The following EPB41L2 variants were observed in gnomAD, a reference collection of about 807,000 sequenced individuals.
EPB41L2 encodes the protein band 4.1-like protein 2.
In EPB41L2, 43 loss-of-function variants were observed where a neutral mutation model predicts 113.0. The ratio of observed to expected loss-of-function variants is 0.38; its 90% CI spans 0.30 to 0.49. The LOEUF is 0.49. Among genes scored for constraint, EPB41L2 ranks in the 20% least tolerant of loss-of-function variants. The pLI is 0.95. For missense variants in EPB41L2, 1,147 were observed against 1,223.4 expected, an observed-to-expected ratio of 0.94 and a Z score of 0.93; for synonymous variants, 442 against 436.7, an observed-to-expected ratio of 1.01 and a Z score of -0.15.
At chr6:130,915,797 G>T (rs190673930) in intron 4 of EPB41L2, among the ~76,000 whole-genome samples, 1 of 151,672 alleles carries the variant, frequency 6.6e-6, no homozygotes, top group African/African-American at 2.4e-5. Context: ...TTTTAAAAAC[G>T]GGAGTTTCTC....
At chr6:130,878,303 A>G in intron 13 of EPB41L2, 53 bp from the exon 14 acceptor site, 1 of 1,547,488 alleles carries the variant, frequency 6.5e-7, no homozygotes, top group Non-Finnish European at 8.7e-7. Flanking sequence ...GAAAAAACCC[A>G]GTAGGACAAA....
At chr6:130,881,887 T>C (rs1279675653) in intron 12 of EPB41L2, 1 of 151,996 alleles carries the variant, frequency 6.6e-6, no homozygotes, top group Non-Finnish European at 1.5e-5. Context: ...AATTTAAGGT[T>C]AGAAAAAAAA....
chr6:130,967,710 C>G lies in EPB41L2; in HGVS notation c.-14-11211G>C, dbSNP rs375807682. On this transcript the variant is annotated intron_variant, in intron 1 of 19. Coordinates refer to ENST00000337057, the MANE Select transcript of EPB41L2 (RefSeq NM_001431.4). ...GAAAGCACAAGCTTGTCATCAGTTTCCTGTCCACACCTCTTCCCTGCCCAT... is the reference window on the plus strand; with the variant it reads ...GAAAGCACAAGCTTGTCATCAGTTTGCTGTCCACACCTCTTCCCTGCCCAT... Among the ~76,000 whole-genome samples, 12 of 152,332 alleles carry G rather than the reference C, an allele frequency of 7.9e-5. No individual in the cohort carries two copies. In the East Asian group the frequency reaches 2.1e-3, roughly 27 times the overall value.
rs772411658 is a variant in EPB41L2, at chr6:130,885,131, T to C, written c.1798A>G (p.Thr600Ala). The change falls in exon 12 of 20, where the codon ACT becomes GCT. Residue 600 changes from threonine to alanine, a missense_variant. Transcript: ENST00000337057. The stretch of plus-strand genomic sequence containing the variant: ...ATGAGCTGCAAATGTGGGGCTTTAG[T>C]TGGGCTTCTCACTTCCCTCCTGCCG... ...GDGRREVRSP[T>A]KAPHLQLIEG... 6.2e-7 allele frequency: 1 copy of C among 1,614,140 alleles called. No individual in the cohort carries two copies. The highest frequency in any genetic ancestry group is 1.1e-5 in the South Asian group (1 of 91,082).
At chr6:131,059,190 C>G (rs761421848) in intron 1 of EPB41L2, among the ~76,000 whole-genome samples, 4 of 150,666 alleles carry the variant, frequency 2.7e-5, no homozygotes, top group Non-Finnish European at 4.4e-5. Flanking sequence ...TCTCCGCTCA[C>G]AGCAAGCTCT....
chr6:130,956,526 T>C lies in EPB41L2; in HGVS notation c.-14-27A>G, dbSNP rs763721229. On this transcript the variant is annotated intron_variant, in intron 1 of 19. Transcript: ENST00000337057. ...TGTAATCAAAACAAAAATCATAAAA[T>C]GTCATTTTGTAAGTTCTCTCAAATT... The C allele has an allele frequency of 7.1e-6, 11 of 1,557,974 alleles. No individual in the cohort carries two copies. The Middle Eastern group carries it at 1.6e-3, about 220-fold the overall frequency.
At chr6:131,051,277 T>G (rs1477187032) in intron 1 of EPB41L2, among the ~76,000 whole-genome samples, 1 of 152,124 alleles carries the variant, frequency 6.6e-6, no homozygotes, top group African/African-American at 2.4e-5. Context: ...TTATTATGGC[T>G]GCAGTCCTTA....
intron 1 of EPB41L2, among the ~76,000 whole-genome samples, chr6:130,975,761 C>T (rs1232160456): frequency 1.3e-5 from 2 of 152,150 alleles, no homozygotes; most frequent in African/African-American, 2.4e-5. Flanking sequence ...TGGTAGCTCA[C>T]GCCTGTAATC....
intron 1 of EPB41L2, among the ~76,000 whole-genome samples, chr6:130,998,457 G>A (rs769651185): frequency 3.9e-5 from 6 of 152,134 alleles, no homozygotes; most frequent in Non-Finnish European, 7.4e-5. Context: ...GCTTAAGAAT[G>A]CCTTAGGAAA....
chr6:130,977,209 CAGCTGTATAATACTCTACATATGACTG>C (rs1460763096), intron 1 of EPB41L2, among the ~76,000 whole-genome samples: 4 of 152,172 alleles, frequency 2.6e-5, no homozygotes. Context: ...ATCTTGCTAG[CAGCTGTATAATACTCTACATATGACTG>C]AGCAAAATGG....
chr6:130,971,785 C>G (rs1041432123), intron 1 of EPB41L2, among the ~76,000 whole-genome samples: 1 of 152,148 alleles, frequency 6.6e-6, no homozygotes, highest in African/African-American at 2.4e-5. Context: ...TACTGTACAG[C>G]CTACTCATTT....
intron 15 of EPB41L2, 112 bp from the exon 16 acceptor site, chr6:130,867,693 C>G: frequency 2.2e-6 from 3 of 1,371,742 alleles, no homozygotes; most frequent in Non-Finnish European, 3.1e-6. Context: ...CACTCATGCA[C>G]AAAAGAAAAG....
At chr6:130,877,413 G>C (rs1266795205) in intron 14 of EPB41L2, among the ~76,000 whole-genome samples, 1 of 152,214 alleles carries the variant, frequency 6.6e-6, no homozygotes, top group Non-Finnish European at 1.5e-5. Context: ...AAGAATCCTA[G>C]AGGCACAGAT....
intron 3 of EPB41L2, among the ~76,000 whole-genome samples, chr6:130,937,994 C>G (rs1562532264): frequency 1.3e-5 from 2 of 152,138 alleles, no homozygotes; most frequent in Non-Finnish European, 1.5e-5. Context: ...CTGTTCTTAC[C>G]TCTATTAGCC....
Position 130,839,377 on chromosome 6 carries a change from T to C in EPB41L2, c.*1227A>G, listed in dbSNP as rs1207923820. The C allele has an allele frequency of 1.3e-5, 2 of 152,228 alleles. No homozygotes were observed. Among genetic ancestry groups the C allele is most frequent in the Admixed American group, 6.5e-5 (1 of 15,286 alleles). 9.4% of individuals were successfully genotyped at this position (152,228 alleles called of 1,614,324 possible). ...AGAATAAACAAACTTTATTTTATAA[T>C]AGTATTACAGGAAGCAAAATATCAT... is the stretch of plus-strand genomic sequence containing the variant. On this transcript the variant is annotated 3_prime_UTR_variant, in exon 20 of 20. Coordinates refer to ENST00000337057, the MANE Select transcript of EPB41L2 (RefSeq NM_001431.4).
intron 1 of EPB41L2, among the ~76,000 whole-genome samples, chr6:130,966,951 T>C (rs758954065): frequency 4.5e-4 from 69 of 152,300 alleles, no homozygotes; most frequent in Middle Eastern, 6.8e-3. Context: ...TCTGCCAGCC[T>C]TCACTTCAGT....
At chr6:131,014,201 T>C (rs963001119) in intron 1 of EPB41L2, 1 of 152,234 alleles carries the variant, frequency 6.6e-6, no homozygotes, top group South Asian at 2.1e-4. Context: ...CTTCTCACAT[T>C]TCTTATTCAA....
intron 6 of EPB41L2, among the ~76,000 whole-genome samples, chr6:130,902,983 G>A (rs1017629911): frequency 6.6e-6 from 1 of 152,072 alleles, no homozygotes; most frequent in African/African-American, 2.4e-5. Flanking sequence ...TAAGCTTCCA[G>A]GCCACAAGTA....
At chr6:130,968,670 G>T (rs1051336570) in intron 1 of EPB41L2, among the ~76,000 whole-genome samples, 1 of 151,850 alleles carries the variant, frequency 6.6e-6, no homozygotes, top group Non-Finnish European at 1.5e-5. Flanking sequence ...ACTTTCCCTC[G>T]GCGGGAAAAG....
Sources: gnomAD v4.1 joint callset for allele counts (sites outside exome capture counted in the v4.1 genomes callset) on GRCh38, gnomAD v4.1.1 for gene constraint, MANE v1.5 for transcripts, NCBI Gene and HGNC (gene_info 2026-07-23, HGNC 2026-07-21) for gene names.